DNAH8: variants seen among roughly 807,000 people sequenced by gnomAD.
DNAH8 encodes the protein dynein axonemal heavy chain 8.
A neutral mutation model predicts 562.1 loss-of-function variants in DNAH8; 382 were observed. The ratio of observed to expected loss-of-function variants is 0.68; its 90% CI spans 0.63 to 0.74. The LOEUF (loss-of-function observed/expected upper bound fraction) is 0.74, where lower values mean the gene tolerates loss of function less well. DNAH8 is among the 30% of genes least tolerant of loss of function. The probability of loss-of-function intolerance (pLI) is 0.00; values close to 1 mark genes in which losing one functional copy is unlikely to be tolerated. For synonymous variants in DNAH8, 1,881 were observed against 1,919.4 expected (o/e 0.98, Z 0.52); for missense variants, 5,203 against 5,620.4 (o/e 0.93, Z 2.37).
chr6:38,884,026 A>G (rs1778719500), intron 56 of DNAH8, 28 bp downstream of exon 56: 4 of 1,411,774 alleles, frequency 2.8e-6, no homozygotes, highest in Non-Finnish European at 9.3e-7. Context: ...CATATAGATG[A>G]TCCTGAATTT....
chr6:39,016,189 T>C (rs1766553472), intron 91 of DNAH8, among the ~76,000 whole-genome samples: 1 of 152,194 alleles, frequency 6.6e-6, no homozygotes. Context: ...TGTCCTCTAA[T>C]TCAGTCCTCT....
intron 11 of DNAH8, among the ~76,000 whole-genome samples, chr6:38,768,443 T>G (rs1767237237): frequency 6.6e-6 from 1 of 151,998 alleles, no homozygotes; most frequent in African/African-American, 2.4e-5. Flanking sequence ...AATTTTTTTA[T>G]TTTTGTAGAG....
rs1429687791 is a variant in DNAH8 at position 38,750,123 on chromosome 6, C to T, written c.1294-353C>T. ...CTGGGATTACAGGCGTAAGCCACCA[C>T]GCCCTGCCATAATGTTCTGTTTTAA... On this transcript the variant is annotated intron_variant, in intron 8 of 92. Coordinates refer to ENST00000327475, the MANE Select transcript of DNAH8 (RefSeq NM_001206927.2). Among the ~76,000 whole-genome samples the T allele has an allele frequency of 3.3e-5, 5 of 152,360 alleles. No homozygotes were observed. The South Asian group carries it at 1.0e-3, about 32-fold the overall frequency.
chr6:38,951,794 A>C (rs1761926784), intron 82 of DNAH8, among the ~76,000 whole-genome samples: 1 of 152,088 alleles, frequency 6.6e-6, no homozygotes, highest in African/African-American at 2.4e-5. Context: ...TATTGCATGG[A>C]TAGCTGACTA....
chr6:38,776,727 T>A (rs560459639), intron 13 of DNAH8, among the ~76,000 whole-genome samples: 73 of 152,294 alleles, frequency 4.8e-4, no homozygotes, highest in South Asian at 2.9e-3. Flanking sequence ...ATCCTGTGTG[T>A]CATAGATTAA....
At chr6:38,719,245 T>C (rs1397725682) in intron 1 of DNAH8, among the ~76,000 whole-genome samples, 1 of 152,222 alleles carries the variant, frequency 6.6e-6, no homozygotes, top group Non-Finnish European at 1.5e-5. Context: ...CTGACTTTTA[T>C]TTTGGATTCA....
intron 21 of DNAH8, among the ~76,000 whole-genome samples, chr6:38,794,238 A>T (rs190029575): frequency 5.3e-5 from 8 of 151,634 alleles, no homozygotes; most frequent in Admixed American, 5.3e-4. Context: ...GATTTACCTG[A>T]TATTAAGCAA....
At chr6:38,887,876 A>C in intron 57 of DNAH8, among the ~76,000 whole-genome samples, 1 of 130,762 alleles carries the variant, frequency 7.6e-6, no homozygotes, top group Admixed American at 9.2e-5. Context: ...CACTCTTGTC[A>C]CCCAGGCTGG....
At position 38,924,173 on chromosome 6, in the gene DNAH8, C is replaced by G. The variant is rs201092987; in HGVS notation, c.10962+11C>G. ...GTGGATCCTCCAACTGTAAGTTTTA[C>G]TTTCCCAATGTTATTTGAATTTCAG... On this transcript the variant is annotated intron_variant, in intron 73 of 92. Transcript: ENST00000327475. The G allele has an allele frequency of 2.3e-5, 37 of 1,611,590 alleles. No individual in the cohort carries two copies. The Admixed American group carries it at 3.3e-4, about 15-fold the overall frequency.
chr6:38,970,358 T>A (rs1263104981), intron 82 of DNAH8, among the ~76,000 whole-genome samples: 1 of 152,196 alleles, frequency 6.6e-6, no homozygotes, highest in East Asian at 1.9e-4. Context: ...GGGATTCTTT[T>A]CAGGTGCCAG....
In DNAH8 at chr6:38,758,506, T is replaced by G. The variant is rs566012923; in HGVS notation, c.1515+2427T>G. Among the ~76,000 whole-genome samples, 121 of 152,212 alleles carry G rather than the reference T, an allele frequency of 7.9e-4. 1 individual carries two copies. The highest frequency in any genetic ancestry group is 2.8e-3 in the African/African-American group (117 of 41,534). ...CAATTTGACTTCCTCTTTTCCTAAT[T>G]GAATGCCCTTTATTTCCTTCTCCTG... On this transcript the variant is annotated intron_variant, in intron 10 of 92. Transcript: ENST00000327475.
intron 62 of DNAH8, 63 bp downstream of exon 62, chr6:38,899,969 GA>G: frequency 2.1e-5 from 28 of 1,337,404 alleles, no homozygotes; most frequent in Admixed American, 3.1e-5. Context: ...TAAATGTTTA[GA>G]AAAAAAGGAA....
At position 38,789,203 on chromosome 6, in the gene DNAH8, A is replaced by G. The variant is rs528023375; in HGVS notation, c.2584-600A>G. On this transcript the variant is annotated intron_variant, in intron 18 of 92. Transcript: ENST00000327475. ...ATGTATAAAGGGGAAAGAGGAATCA[A>G]GAGCTTTGAAACTATTAGGTAAAAA... Among the ~76,000 whole-genome samples, 364 of 152,334 alleles carry G rather than the reference A, an allele frequency of 2.4e-3. 4 individuals carry two copies. The highest frequency in any genetic ancestry group is 8.4e-3 in the African/African-American group (351 of 41,576).
At position 38,915,330 on chromosome 6, in the gene DNAH8, C is replaced by T. The variant is rs1352931271; in HGVS notation, c.10093C>T (p.Leu3365Phe). The T allele has an allele frequency of 1.9e-6, 3 of 1,609,014 alleles. No individual in the cohort carries two copies. Among genetic ancestry groups the T allele is most frequent in the Non-Finnish European group, 2.5e-6 (3 of 1,178,114 alleles). Reference sequence around the variant, plus strand: ...TGAAAAAGTGAAAGCTGAAAGCAAGCTTGAGGCAGCTAAACCTGCACTGGA... The same window carrying T: ...TGAAAAAGTGAAAGCTGAAAGCAAGTTTGAGGCAGCTAAACCTGCACTGGA... ...DSEKVKAESK[L>F]EAAKPALEEA... The change falls in exon 68 of 93, where the codon CTT becomes TTT. Residue 3365 changes from leucine to phenylalanine, a missense_variant. Leu to Phe is a conservative substitution (Grantham distance 22, BLOSUM62 0). Transcript: ENST00000327475.
intron 26 of DNAH8, among the ~76,000 whole-genome samples, chr6:38,820,762 C>A (rs1368795263): frequency 1.3e-5 from 2 of 152,156 alleles, no homozygotes; most frequent in Non-Finnish European, 2.9e-5. Context: ...GGAAAAAACT[C>A]ATGATTATCT....
intron 40 of DNAH8, 38 bp downstream of exon 40, chr6:38,852,836 C>A (rs369380365): frequency 1.1e-4 from 172 of 1,495,886 alleles, no homozygotes; most frequent in Non-Finnish European, 1.5e-4. Flanking sequence ...ATTAGAATTT[C>A]TTTAAAAACT....
chr6:38,836,314 G>T (rs1332747581), intron 32 of DNAH8, among the ~76,000 whole-genome samples: 8 of 151,992 alleles, frequency 5.3e-5, no homozygotes. Context: ...AGGTATTGTG[G>T]CATGTGCCTG....
intron 82 of DNAH8, among the ~76,000 whole-genome samples, chr6:38,953,913 A>C (rs1762083089): frequency 6.6e-6 from 1 of 151,750 alleles, no homozygotes; most frequent in African/African-American, 2.4e-5. Context: ...AGTCCGTGGC[A>C]GATCTGGTTC....
intron 39 of DNAH8, 48 bp from the exon 40 acceptor site, chr6:38,852,646 C>T (rs756315063): frequency 3.8e-6 from 5 of 1,333,238 alleles, no homozygotes; most frequent in Middle Eastern, 3.7e-4. Context: ...AACATCTCAG[C>T]GGCTTTTGTG....
Sources: gnomAD v4.1 joint callset for allele counts (sites outside exome capture counted in the v4.1 genomes callset) on GRCh38, gnomAD v4.1.1 for gene constraint, MANE v1.5 for transcripts, NCBI Gene and HGNC (gene_info 2026-07-23, HGNC 2026-07-21) for gene names.